The following MTMR8 variants were observed in gnomAD, a reference collection of about 807,000 sequenced individuals.
MTMR8 encodes the protein myotubularin related protein 8, also known as phosphatidylinositol-3,5-bisphosphate 3-phosphatase MTMR8.
MTMR8 carries 65 observed loss-of-function variants against 39.3 expected under a neutral mutation model. The observed-to-expected ratio is 1.65, with a 90% CI of 1.35 to 2.03. The LOEUF (loss-of-function observed/expected upper bound fraction) is 2.03, where lower values mean the gene tolerates loss of function less well. Among genes scored for constraint, MTMR8 ranks in the 30% most tolerant of loss-of-function variants. The probability of loss-of-function intolerance (pLI) is 0.00; values close to 1 mark genes in which losing one functional copy is unlikely to be tolerated. For synonymous variants in MTMR8, 245 were observed against 185.2 expected (o/e 1.32, Z -2.62); for missense variants, 777 against 538.9 (o/e 1.44, Z -4.37).
At chrX:64,357,941 G>A (rs1177612833) in intron 2 of MTMR8, among the ~76,000 whole-genome samples, 2 of 111,499 alleles carry the variant, frequency 1.8e-5, no homozygotes, top group East Asian at 2.8e-4. Context: ...GGCAGACTAA[G>A]GCTGGGAAGA....
At chrX:64,359,296 G>A in intron 2 of MTMR8, 109 bp downstream of exon 2, 9 of 821,308 alleles carry the variant, frequency 1.1e-5, no homozygotes, top group Non-Finnish European at 1.5e-5. Context: ...TGAAGAAAAG[G>A]TTTTACAGCA....
At chrX:64,302,186 G>T (rs1602118358) in intron 12 of MTMR8, among the ~76,000 whole-genome samples, 1 of 112,570 alleles carries the variant, frequency 8.9e-6, no homozygotes, top group African/African-American at 3.2e-5. Context: ...CTTGCAGTTT[G>T]ATCTCAGACT....
intron 12 of MTMR8, among the ~76,000 whole-genome samples, chrX:64,277,135 T>C (rs1931889847): frequency 8.9e-6 from 1 of 111,855 alleles, no homozygotes; most frequent in South Asian, 3.8e-4. Context: ...TGAGCCTATG[T>C]GTGTCTTTGC....
intron 12 of MTMR8, chrX:64,305,088 A>G: frequency 4.6e-6 from 1 of 217,069 alleles, no homozygotes. Flanking sequence ...ATAAATTGAA[A>G]CCAAATGTTC....
chrX:64,346,599 A>T (rs1000057411), intron 6 of MTMR8, among the ~76,000 whole-genome samples: 1 of 110,077 alleles, frequency 9.1e-6, no homozygotes, highest in African/African-American at 3.3e-5. Flanking sequence ...TAGGCCACCT[A>T]ATGCAGATAA....
intron 12 of MTMR8, among the ~76,000 whole-genome samples, chrX:64,285,255 T>C (rs1298651172): frequency 4.5e-5 from 5 of 111,825 alleles, no homozygotes; most frequent in Non-Finnish European, 9.4e-5. Context: ...AAGGGATCAA[T>C]TCAACAAGAA....
rs1037481469 is a variant in MTMR8, at chrX:64,354,681, T to G, written c.468+96A>C. 8.1e-6 allele frequency: 7 copies of G among 862,787 alleles called. No homozygotes were observed. In the African/African-American group the frequency reaches 1.2e-4, roughly 15 times the overall value. The allele number at this position is 862,787 out of a possible 1,213,427, so 71.1% of individuals were successfully genotyped here. A position where few individuals can be genotyped will look rare whatever the true frequency, so the allele number is the denominator to read the frequency against. On this transcript the variant is annotated intron_variant, in intron 4 of 13. Transcript: ENST00000374852. ...TGTTGAATGGAAAGGAGAGAGAGAT[T>G]ATGAGTCATTTCTCTCTTTTTTCAA...
intron 12 of MTMR8, among the ~76,000 whole-genome samples, chrX:64,275,821 G>T (rs781280873): frequency 9.0e-6 from 1 of 110,896 alleles, no homozygotes; most frequent in Non-Finnish European, 1.9e-5. Flanking sequence ...AAATAAAAAA[G>T]ATCATAAGGA....
chrX:64,319,641 C>A (rs1239140343), intron 12 of MTMR8, among the ~76,000 whole-genome samples: 1 of 111,793 alleles, frequency 8.9e-6, no homozygotes, highest in Admixed American at 9.5e-5. Flanking sequence ...GTTTTCCCAG[C>A]ACCATTTATT....
intron 12 of MTMR8, 61 bp downstream of exon 12, chrX:64,328,711 G>A: frequency 9.3e-7 from 1 of 1,071,686 alleles, no homozygotes; most frequent in South Asian, 2.7e-5. Context: ...CCAAGGAGAA[G>A]CAAGGAAGCT....
chrX:64,386,757 A>G (rs1924570356), intron 1 of MTMR8, among the ~76,000 whole-genome samples: 1 of 111,819 alleles, frequency 8.9e-6, no homozygotes, highest in South Asian at 3.8e-4. Context: ...CTAAAAGTCA[A>G]AAAGCGCCAG....
At chrX:64,381,440 G>T (rs1287589693) in intron 1 of MTMR8, among the ~76,000 whole-genome samples, 2 of 93,311 alleles carry the variant, frequency 2.1e-5, no homozygotes, top group Non-Finnish European at 3.8e-5. Context: ...ACTTTTCGAT[G>T]GGGTTGTTTT....
At chrX:64,371,119 A>G (rs1466783011) in intron 1 of MTMR8, among the ~76,000 whole-genome samples, 1 of 112,210 alleles carries the variant, frequency 8.9e-6, no homozygotes, top group Non-Finnish European at 1.9e-5. Flanking sequence ...GACACTCCAC[A>G]CCAGCCTAAG....
intron 12 of MTMR8, among the ~76,000 whole-genome samples, chrX:64,308,075 A>G (rs765840289): frequency 9.0e-6 from 1 of 111,511 alleles, no homozygotes; most frequent in South Asian, 3.8e-4. Context: ...TGGGTGCAGC[A>G]CACCAACATG....
intron 12 of MTMR8, among the ~76,000 whole-genome samples, chrX:64,323,141 C>T (rs1443641530): frequency 8.9e-6 from 1 of 112,297 alleles, no homozygotes; most frequent in African/African-American, 3.2e-5. Flanking sequence ...ACTTCTGCTG[C>T]CTACATACTT....
chrX:64,366,170 C>A (rs1246029036), intron 1 of MTMR8, among the ~76,000 whole-genome samples: 2 of 111,394 alleles, frequency 1.8e-5, no homozygotes, highest in African/African-American at 6.5e-5. Context: ...GACTTTAACA[C>A]CCTACTGTCA....
intron 12 of MTMR8, among the ~76,000 whole-genome samples, chrX:64,283,447 G>A (rs760877617): frequency 1.5e-4 from 17 of 112,125 alleles, no homozygotes; most frequent in Non-Finnish European, 9.4e-5. Context: ...AGATTTAAAT[G>A]TCTCTGTCTG....
chrX:64,279,155 G>A (rs772796659), intron 12 of MTMR8, among the ~76,000 whole-genome samples: 1 of 111,972 alleles, frequency 8.9e-6, no homozygotes, highest in East Asian at 2.8e-4. Context: ...TAAGTCTGAT[G>A]AAGCTGTGCC....
chrX:64,289,073 C>T (rs1346303099), intron 12 of MTMR8, among the ~76,000 whole-genome samples: 2 of 109,529 alleles, frequency 1.8e-5, no homozygotes, highest in African/African-American at 6.6e-5. Flanking sequence ...ACAACAACAA[C>T]AACAACAATG....
Sources: allele counts gnomAD v4.1 joint callset (sites outside exome capture counted in the v4.1 genomes callset), GRCh38; gene constraint gnomAD v4.1.1; transcripts MANE v1.5; gene names NCBI Gene and HGNC (gene_info 2026-07-23, HGNC 2026-07-21).